SF1: variants seen among roughly 807,000 people sequenced by gnomAD.
The protein encoded by SF1 is splicing factor 1.
Under a neutral mutation model 62.5 loss-of-function variants are expected in SF1, and 7 were observed. That is an observed-to-expected ratio of 0.11 (90% confidence interval 0.06 to 0.21). The LOEUF is 0.21. Among genes scored for constraint, SF1 ranks in the 10% least tolerant of loss-of-function variants. The pLI is 1.00. For synonymous variants in SF1, 394 were observed against 323.6 expected (o/e 1.22, Z -2.33); for missense variants, 578 against 884.0 (o/e 0.65, Z 4.39).
In SF1 at chr11:64,765,672, C is replaced by G. The variant is rs1434864817; in HGVS notation, c.*146G>C. ...CAAGCGAATCCTCAGTCGCTTGGCC[C>G]AGCCCAGTGCGTGCACACACACACA... On this transcript the variant is annotated 3_prime_UTR_variant, in exon 13 of 13. Coordinates refer to ENST00000377390, the MANE Select transcript of SF1 (RefSeq NM_004630.4). The G allele has an allele frequency of 3.4e-6, 5 of 1,474,996 alleles. No homozygotes were observed. The highest frequency in any genetic ancestry group is 4.5e-6 in the Non-Finnish European group (5 of 1,117,850). The allele number at this position is 1,474,996 out of a possible 1,614,324, so 91.4% of individuals were successfully genotyped here.
At position 64,768,159 on chromosome 11, in the gene SF1, G is replaced by T; in HGVS notation, c.1015C>A (p.Pro339Thr). 6.2e-7 allele frequency: 1 copy of T among 1,613,970 alleles called. No individual in the cohort carries two copies. Among genetic ancestry groups the T allele is most frequent in the Non-Finnish European group, 8.5e-7 (1 of 1,179,946 alleles). Reference protein sequence around the residue: ...VGSTSGPATTPLASAPRPAAP... With the variant: ...VGSTSGPATTTLASAPRPAAP... The stretch of plus-strand genomic sequence containing the variant: ...GCAGGACGAGGTGCGCTGGCCAGGG[G>T]TGTGGTGGCAGGCCCAGAGGTGGAG... Residue 339 changes from proline (P) to threonine (T), a missense_variant, in exon 9 of 13, where the codon CCC becomes ACC. Physicochemically the swap from Pro to Thr is conservative, Grantham distance 38. Around this residue, in one of 7 missense-constraint regions of SF1, gnomAD observed 410 missense variants for 452.4 expected, o/e 0.91. Transcript: ENST00000377390.
chr11:64,768,396 GATC>G lies in SF1; in HGVS notation c.888-113_888-111del. 3 of 965,922 alleles carry G rather than the reference GATC, an allele frequency of 3.1e-6. No individual in the cohort carries two copies. The South Asian group carries it at 4.2e-5, about 14-fold the overall frequency. 59.8% of individuals were successfully genotyped at this position (965,922 alleles called of 1,614,324 possible). A position where few individuals can be genotyped will look rare whatever the true frequency, so the allele number is the denominator to read the frequency against. On this transcript the variant is annotated intron_variant, in intron 8 of 12. Transcript: ENST00000377390. ...AAAGTTCTGAAGAATTCAATCACCA[GATC>G]ATCACACATCTTTCTAACCCCTTAC...
Position 64,765,970 on chromosome 11 carries a change from G to A in SF1, c.1768C>T (p.Pro590Ser). 1 of 1,596,380 alleles carries A rather than the reference G, an allele frequency of 6.3e-7. No homozygotes were observed. Among genetic ancestry groups the A allele is most frequent in the Non-Finnish European group, 8.5e-7 (1 of 1,171,636 alleles). Residue 590 changes from proline to serine, a missense_variant, in exon 13 of 13, where the codon CCT (proline) becomes TCT (serine). Transcript: ENST00000377390. Reference sequence around the variant, plus strand: ...GCATACATCATGCCGGCGGAACCAGGCGGTGGAGGCGGCGGAGGGGGAGGG... The same window carrying A: ...GCATACATCATGCCGGCGGAACCAGACGGTGGAGGCGGCGGAGGGGGAGGG... ...GAPPPPPPPP[P>S]GSAGMMYAPP...
intron 2 of SF1, among the ~76,000 whole-genome samples, chr11:64,775,779 A>G (rs912636576): frequency 6.6e-6 from 1 of 152,232 alleles, no homozygotes; most frequent in South Asian, 2.1e-4. Flanking sequence ...GTTAATTTCA[A>G]TTCCACTGTG....
rs2135918389 is a variant in SF1 at position 64,769,507 on chromosome 11, C to G, written c.582G>C (p.Gln194His). Reference sequence around the variant, plus strand: ...GTGGCTCATCTTCTCCTGGCAACATCTGGCCATCTTTGCGCCCAACCTTCC... The same window carrying G: ...GTGGCTCATCTTCTCCTGGCAACATGTGGCCATCTTTGCGCCCAACCTTCC... ...KEGKVGRKDG[Q>H]MLPGEDEPLH... Residue 194 changes from glutamine (Q) to histidine (H), a missense_variant, in exon 6 of 13, where the codon CAG (glutamine) becomes CAC (histidine). By Grantham distance (24) the Gln-to-His change is conservative. Transcript: ENST00000377390. 6.2e-7 allele frequency: 1 copy of G among 1,614,192 alleles called. No individual in the cohort carries two copies. The highest frequency in any genetic ancestry group is 8.5e-7 in the Non-Finnish European group (1 of 1,180,040).
rs573143119 is a variant in SF1 at position 64,765,279 on chromosome 11, G to A, written c.*539C>T. ...GACCGGGGAGAGCATCTCCTTGGAC[G>A]GAGTCTGAAGAAAGGAAAAGATAAA... On this transcript the variant is annotated 3_prime_UTR_variant, in exon 13 of 13. Coordinates refer to ENST00000377390, the MANE Select transcript of SF1 (RefSeq NM_004630.4). 3.6e-5 allele frequency: 21 copies of A among 583,860 alleles called. No homozygotes were observed. The highest frequency in any genetic ancestry group is 2.4e-4 in the Admixed American group (9 of 37,192). The allele number at this position is 583,860 out of a possible 1,614,324, so 36.2% of individuals were successfully genotyped here. A position where few individuals can be genotyped will look rare whatever the true frequency, so the allele number is the denominator to read the frequency against.
At position 64,770,007 on chromosome 11, in the gene SF1, C is replaced by T; in HGVS notation, c.436G>A (p.Glu146Lys). The T allele has an allele frequency of 6.2e-7, 1 of 1,614,152 alleles. No individual in the cohort carries two copies. The highest frequency in any genetic ancestry group is 8.5e-7 in the Non-Finnish European group (1 of 1,179,988). ...VSDKVMIPQD[E>K]YPEINFVGLL... is the part of the protein sequence containing the mutation. ...CCCACAAAGTTGATTTCTGGGTACT[C>T]ATCTTGTGGAATCATGACTTTATCA... Residue 146 changes from glutamate to lysine, a missense_variant, in exon 5 of 13, where the codon GAG becomes AAG. Transcript: ENST00000377390.
intron 3 of SF1, 167 bp from the exon 4 acceptor site, chr11:64,770,575 TG>T: frequency 1.4e-6 from 1 of 700,946 alleles, no homozygotes; most frequent in Non-Finnish European, 2.3e-6. Flanking sequence ...AATGGGGAGA[TG>T]GAAGCTGGCT....
At chr11:64,769,708 C>T (rs755690244) in intron 5 of SF1, 99 bp from the exon 6 acceptor site, 53 of 1,110,472 alleles carry the variant, frequency 4.8e-5, no homozygotes, top group Non-Finnish European at 6.7e-5. Flanking sequence ...ACCACAAGCG[C>T]AGAGAATTGG....
Position 64,765,641 on chromosome 11 carries a change from C to G in SF1, c.*177G>C. On this transcript the variant is annotated 3_prime_UTR_variant, in exon 13 of 13. Coordinates refer to ENST00000377390, the MANE Select transcript of SF1 (RefSeq NM_004630.4). ...GCTGGCGCCCCTACTACCACCTGCC[C>G]GTTCCCAAGCGAATCCTCAGTCGCT... 6.7e-7 allele frequency: 1 copy of G among 1,490,476 alleles called. No homozygotes were observed. The highest frequency in any genetic ancestry group is 8.9e-7 in the Non-Finnish European group (1 of 1,128,398). 92.3% of individuals were successfully genotyped at this position (1,490,476 alleles called of 1,614,324 possible).
chr11:64,772,722 CAATT>C (rs1938532750), intron 3 of SF1: 1 of 985,070 alleles, frequency 1.0e-6, no homozygotes, highest in South Asian at 4.7e-5. Context: ...CTCCCCCACA[CAATT>C]TATTTTTCTG....
intron 3 of SF1, chr11:64,773,054 C>A: frequency 9.2e-7 from 1 of 1,083,512 alleles, no homozygotes; most frequent in Non-Finnish European, 1.1e-6. Context: ...TTAGTCCCTG[C>A]ACTGTGTACC....
chr11:64,778,458 C>G lies in SF1; in HGVS notation c.-66G>C, dbSNP rs1178437553. On this transcript the variant is annotated 5_prime_UTR_variant, in exon 1 of 13. Coordinates refer to ENST00000377390, the MANE Select transcript of SF1 (RefSeq NM_004630.4). ...GCGGCGGCTTCTCCTTCGCAAGCCT[C>G]CCGGGGGGAGGGGACCCGAATGCGC... 2.5e-6 allele frequency: 3 copies of G among 1,213,320 alleles called. No homozygotes were observed. The highest frequency in any genetic ancestry group is 4.4e-5 in the Admixed American group (1 of 22,958). 75.2% of individuals were successfully genotyped at this position (1,213,320 alleles called of 1,614,324 possible).
chr11:64,769,717 G>C (rs1937984540), intron 5 of SF1, 108 bp from the exon 6 acceptor site: 1 of 1,051,602 alleles, frequency 9.5e-7, no homozygotes, highest in Non-Finnish European at 1.4e-6. Flanking sequence ...GCAGAGAATT[G>C]GATTTTCCCA....
Position 64,770,250 on chromosome 11 carries a change from G to C in SF1, c.389+6C>G. On this transcript the variant is annotated splice_donor_region_variant and intron_variant, in intron 4 of 12. Transcript: ENST00000377390. Reference sequence around the variant, plus strand: ...TCATCCCAGATGACCGAGCCCCTCCGCTTACTTGTAATCTGCAGGTGGCTT... The same window carrying C: ...TCATCCCAGATGACCGAGCCCCTCCCCTTACTTGTAATCTGCAGGTGGCTT... 6.2e-7 allele frequency: 1 copy of C among 1,610,120 alleles called. No homozygotes were observed. The highest frequency in any genetic ancestry group is 8.5e-7 in the Non-Finnish European group (1 of 1,176,946).
chr11:64,767,973 C>A, intron 9 of SF1, 129 bp from the exon 10 acceptor site: 1 of 1,451,564 alleles, frequency 6.9e-7, no homozygotes, highest in South Asian at 1.3e-5. Context: ...CCCAAACTGG[C>A]CTGAGATCCC....
chr11:64,770,507 C>G, intron 3 of SF1, 99 bp from the exon 4 acceptor site: 1 of 1,308,732 alleles, frequency 7.6e-7, no homozygotes, highest in Non-Finnish European at 1.1e-6. Flanking sequence ...CTCTCAGACC[C>G]TAATACAACA....
chr11:64,771,689 C>A (rs771903182), intron 3 of SF1: 1 of 985,358 alleles, frequency 1.0e-6, no homozygotes. Flanking sequence ...AGCAAACATA[C>A]CCCAGCTCAT....
chr11:64,768,412 T>C (rs1489029177), intron 8 of SF1, 126 bp from the exon 9 acceptor site: 4 of 844,328 alleles, frequency 4.7e-6, no homozygotes, highest in Non-Finnish European at 7.6e-6. Context: ...CACACATCTT[T>C]CTAACCCCTT....
Sources: gnomAD v4.1 joint callset for allele counts (sites outside exome capture counted in the v4.1 genomes callset) on GRCh38, gnomAD v4.1.1 for gene constraint, gnomAD v4.1.1 regional missense constraint, MANE v1.5 for transcripts, NCBI Gene and HGNC (gene_info 2026-07-23, HGNC 2026-07-21) for gene names.